ALG9: variants seen among roughly 807,000 people sequenced by gnomAD.
ALG9 encodes the protein alpha-1,2-mannosyltransferase ALG9.
Under a neutral mutation model 81.8 loss-of-function variants are expected in ALG9, and 55 were observed. The ratio of observed to expected loss-of-function variants is 0.67; its 90% CI spans 0.54 to 0.84. The LOEUF (loss-of-function observed/expected upper bound fraction) is 0.84. Among genes scored for constraint, ALG9 ranks in the 40% least tolerant of loss-of-function variants. The pLI, the probability that ALG9 is intolerant of heterozygous loss-of-function variation, is 0.00. For synonymous variants in ALG9, 278 were observed against 274.3 expected (o/e 1.01, Z -0.13); for missense variants, 629 against 745.0 (o/e 0.84, Z 1.81).
intron 13 of ALG9, among the ~76,000 whole-genome samples, chr11:111,825,398 C>A (rs1219761038): frequency 6.6e-6 from 1 of 152,128 alleles, no homozygotes; most frequent in Admixed American, 6.5e-5. Flanking sequence ...AACAATGAAA[C>A]AGAGAAGAAA....
In ALG9 at chr11:111,870,260, C is replaced by A; in HGVS notation, c.242G>T (p.Cys81Phe). 3 of 1,610,332 alleles carry A rather than the reference C, an allele frequency of 1.9e-6. No homozygotes were observed. The highest frequency in any genetic ancestry group is 2.5e-6 in the Non-Finnish European group (3 of 1,178,958). Reference sequence around the variant, plus strand: ...CTCCCAGTAGTTGAATGTTTCATCACAGTCAGAGATGTTGCTCAGGAGAGC... The same window carrying A: ...CTCCCAGTAGTTGAATGTTTCATCAAAGTCAGAGATGTTGCTCAGGAGAGC... ...CAALLSNISD[C>F]DETFNYWEPT... The change falls in exon 2 of 15, where the codon TGT becomes TTT. Residue 81 changes from cysteine to phenylalanine, a missense_variant. Cys to Phe is a radical substitution (Grantham distance 205). Coordinates refer to ENST00000616540, the MANE Select transcript of ALG9 (RefSeq NM_024740.2).
At chr11:111,843,010 C>G (rs903756614) in intron 9 of ALG9, among the ~76,000 whole-genome samples, 1 of 152,124 alleles carries the variant, frequency 6.6e-6, no homozygotes, top group African/African-American at 2.4e-5. Flanking sequence ...GTCTCGAACT[C>G]CTGGGCTCAA....
At chr11:111,821,823 A>T (rs1952444437) in intron 13 of ALG9, among the ~76,000 whole-genome samples, 1 of 151,936 alleles carries the variant, frequency 6.6e-6, no homozygotes, top group African/African-American at 2.4e-5. Flanking sequence ...TTCAGTAGAG[A>T]CGAGGTTTCA....
At chr11:111,816,655 C>G (rs1951525733) in intron 13 of ALG9, among the ~76,000 whole-genome samples, 1 of 152,196 alleles carries the variant, frequency 6.6e-6, no homozygotes. Flanking sequence ...CTCTCAAGCT[C>G]AAGTGATCTT....
intron 8 of ALG9, among the ~76,000 whole-genome samples, chr11:111,850,967 G>T (rs1957710428): frequency 6.6e-6 from 1 of 151,902 alleles, no homozygotes; most frequent in Non-Finnish European, 1.5e-5. Flanking sequence ...CATTAAAGTA[G>T]GCAGAAAGAA....
At chr11:111,838,495 C>A in intron 10 of ALG9, 96 bp from the exon 11 acceptor site, 1 of 1,156,780 alleles carries the variant, frequency 8.6e-7, no homozygotes, top group Non-Finnish European at 1.2e-6. Context: ...TATTAGGGAT[C>A]TGAGCATTTG....
Position 111,783,064 on chromosome 11 carries a change from T to G in ALG9, c.*3333A>C, listed in dbSNP as rs983028650. The stretch of plus-strand genomic sequence containing the variant: ...TAATGGTACTCAGCATCACAAGATT[T>G]GGGGATTCAGATAAGGCTGCTTTAG... On this transcript the variant is annotated 3_prime_UTR_variant, in exon 15 of 15. Coordinates refer to ENST00000616540, the MANE Select transcript of ALG9 (RefSeq NM_024740.2). 1 of 152,198 alleles carries G rather than the reference T, an allele frequency of 6.6e-6. No individual in the cohort carries two copies. The allele number at this position is 152,198 out of a possible 1,614,324, so 9.4% of individuals were successfully genotyped here.
chr11:111,791,328 A>C (rs1482207558), intron 14 of ALG9, among the ~76,000 whole-genome samples: 2 of 152,252 alleles, frequency 1.3e-5, no homozygotes, highest in Non-Finnish European at 2.9e-5. Context: ...CAAAGTGATA[A>C]TGCAAACATT....
At chr11:111,847,621 T>A (rs1349738426) in intron 8 of ALG9, among the ~76,000 whole-genome samples, 2 of 152,168 alleles carry the variant, frequency 1.3e-5, no homozygotes, top group African/African-American at 4.8e-5. Context: ...ACCAATCACT[T>A]TCTTTTCTGC....
chr11:111,790,476 A>C (rs1348648769), intron 14 of ALG9, among the ~76,000 whole-genome samples: 3 of 152,198 alleles, frequency 2.0e-5, no homozygotes, highest in Non-Finnish European at 2.9e-5. Flanking sequence ...AAAAATAAAA[A>C]AATTTAAAAA....
intron 13 of ALG9, among the ~76,000 whole-genome samples, chr11:111,820,521 T>C (rs1328174009): frequency 2.0e-5 from 3 of 152,216 alleles, no homozygotes; most frequent in African/African-American, 7.2e-5. Context: ...TGAGGGCAGA[T>C]GTCCCATGAC....
At chr11:111,856,882 G>A (rs1157811783) in intron 6 of ALG9, among the ~76,000 whole-genome samples, 3 of 152,044 alleles carry the variant, frequency 2.0e-5, no homozygotes, top group South Asian at 2.1e-4. Context: ...CAAGGTGAGC[G>A]GATCACCTGA....
chr11:111,789,744 T>TG (rs1309740632), intron 14 of ALG9, among the ~76,000 whole-genome samples: 2 of 150,680 alleles, frequency 1.3e-5, no homozygotes, highest in African/African-American at 4.9e-5. Context: ...TGCTTGAACC[T>TG]GGGGGGTAGA....
rs117482626 is a variant in ALG9, at chr11:111,830,072, T to C, written c.1602+6093A>G. ...AAAGAAATGTCAATGGTCTTAGAAATTCCCAGTCATTTAAAAGGAAAATAC... is the reference window on the plus strand; with the variant it reads ...AAAGAAATGTCAATGGTCTTAGAAACTCCCAGTCATTTAAAAGGAAAATAC... On this transcript the variant is annotated intron_variant, in intron 13 of 14. Transcript: ENST00000616540. Among the ~76,000 whole-genome samples, 1,003 of 152,310 alleles carry C rather than the reference T, an allele frequency of 6.6e-3. 6 individuals are homozygous for C. Among genetic ancestry groups the C allele is most frequent in the Middle Eastern group, 0.051 (15 of 294 alleles).
intron 11 of ALG9, 101 bp from the exon 12 acceptor site, chr11:111,837,716 T>C: frequency 7.3e-7 from 1 of 1,376,074 alleles, no homozygotes; most frequent in South Asian, 1.2e-5. Context: ...CACAGGAAAT[T>C]TAAAAGGCAG....
chr11:111,820,326 T>A (rs1322062912), intron 13 of ALG9, among the ~76,000 whole-genome samples: 1 of 151,240 alleles, frequency 6.6e-6, no homozygotes, highest in Non-Finnish European at 1.5e-5. Flanking sequence ...GGCTGATGAG[T>A]ACAAAATCAA....
At chr11:111,774,571 A>AT in the ALG9 span, among the ~76,000 whole-genome samples, 9 of 152,170 alleles carry the variant, frequency 5.9e-5, no homozygotes, top group African/African-American at 2.2e-4. Context: ...ATGGAAGGGA[A>AT]TTTTTTCAGT....
intron 3 of ALG9, among the ~76,000 whole-genome samples, chr11:111,867,857 C>G (rs1963001448): frequency 6.6e-6 from 1 of 152,092 alleles, no homozygotes; most frequent in Non-Finnish European, 1.5e-5. Context: ...TCCCACTAAC[C>G]CAGCAGGGAA....
At chr11:111,821,940 G>T (rs114379329) in intron 13 of ALG9, among the ~76,000 whole-genome samples, 1 of 152,042 alleles carries the variant, frequency 6.6e-6, no homozygotes, top group Non-Finnish European at 1.5e-5. Flanking sequence ...GGCTACCCAG[G>T]CTTCTCTGAA....
Sources: allele counts gnomAD v4.1 joint callset (sites outside exome capture counted in the v4.1 genomes callset), GRCh38; gene constraint gnomAD v4.1.1; transcripts MANE v1.5; gene names NCBI Gene and HGNC (gene_info 2026-07-23, HGNC 2026-07-21).